The following EYA3 variants were observed in gnomAD, a reference collection of about 807,000 sequenced individuals.
The protein encoded by EYA3 is protein phosphatase EYA3.
In EYA3, 39 loss-of-function variants were observed where a neutral mutation model predicts 80.0. That is an observed-to-expected ratio of 0.49 (90% confidence interval 0.38 to 0.64). The LOEUF is 0.64. EYA3 is among the 30% of genes least tolerant of loss of function. EYA3 has a pLI of 0.00. For missense variants in EYA3, 523 were observed against 676.1 expected (o/e 0.77, Z 2.51); for synonymous variants, 206 against 232.8 (o/e 0.88, Z 1.05).
chr1:28,086,411 A>C (rs576280463), intron 1 of EYA3, among the ~76,000 whole-genome samples: 1 of 152,112 alleles, frequency 6.6e-6, no homozygotes, highest in South Asian at 2.1e-4. Flanking sequence ...TTGGTCTCGA[A>C]CTCCTGGCCA....
chr1:28,021,203 G>A (rs112705047), intron 7 of EYA3, among the ~76,000 whole-genome samples: 2 of 152,064 alleles, frequency 1.3e-5, no homozygotes, highest in African/African-American at 2.4e-5. Flanking sequence ...ACTCAAAACC[G>A]GACAAGCTCT....
At chr1:28,010,926 T>C (rs1641649653) in intron 10 of EYA3, 21 bp downstream of exon 10, 1 of 1,605,028 alleles carries the variant, frequency 6.2e-7, no homozygotes. Context: ...AGTAGGTAAC[T>C]AAATCAGTTT....
In EYA3 at chr1:28,013,047, T is replaced by G. The variant is rs1025919267; in HGVS notation, c.769+64A>C. On this transcript the variant is annotated intron_variant, in intron 9 of 17. Coordinates refer to ENST00000373871, the MANE Select transcript of EYA3 (RefSeq NM_001990.4). The surrounding 1 kb of genome is among the most constrained non-coding windows in gnomAD (Gnocchi z 4.0). ...GACAGAACAAAATCATCCTTACCATTGCCTAAAAACAACTGTTGGATGAAG... is the reference window on the plus strand; with the variant it reads ...GACAGAACAAAATCATCCTTACCATGGCCTAAAAACAACTGTTGGATGAAG... The G allele has an allele frequency of 2.2e-5, 34 of 1,512,428 alleles. No homozygotes were observed. The Admixed American group carries it at 6.5e-4, about 29-fold the overall frequency. The allele number at this position is 1,512,428 out of a possible 1,614,324, so 93.7% of individuals were successfully genotyped here. A position where few individuals can be genotyped will look rare whatever the true frequency, so the allele number is the denominator to read the frequency against.
At chr1:28,039,111 A>G (rs1643632314) in intron 4 of EYA3, among the ~76,000 whole-genome samples, 1 of 152,208 alleles carries the variant, frequency 6.6e-6, no homozygotes, top group South Asian at 2.1e-4. Flanking sequence ...TAAAAAAAGA[A>G]GGGTGGGGTA....
rs1181123452 is a variant in EYA3, at chr1:27,974,536, G to A, written c.1652C>T (p.Pro551Leu). The change falls in exon 18 of 18, where the codon CCT becomes CTT. Residue 551 changes from proline to leucine, a missense_variant. Pro to Leu is a moderately conservative substitution (Grantham distance 98). This residue lies in a region of EYA3 where 219 missense variants were observed against 332.8 expected (regional missense o/e 0.66). Transcript: ENST00000373871. ...TCCATGGTTTGTGATCCTCCAGAAA[G>A]GCATGTTGTGCTGGAAGAGAGTGGG... ...EEIAAKQHNM[P>L]FWRITNHGDL... The A allele has an allele frequency of 1.9e-6, 3 of 1,612,450 alleles. No individual in the cohort carries two copies. The highest frequency in any genetic ancestry group is 2.2e-5 in the South Asian group (2 of 91,050).
At chr1:28,061,620 G>A (rs1644629178) in intron 1 of EYA3, among the ~76,000 whole-genome samples, 1 of 150,102 alleles carries the variant, frequency 6.7e-6, no homozygotes, top group South Asian at 2.1e-4. Flanking sequence ...TGTTTTTTGA[G>A]ATGGAGTCTC....
chr1:28,037,465 T>C (rs1412179725), intron 5 of EYA3, among the ~76,000 whole-genome samples: 1 of 152,174 alleles, frequency 6.6e-6, no homozygotes, highest in African/African-American at 2.4e-5. Context: ...CAGGTTAGAG[T>C]TGTTACTCAA....
At chr1:28,060,657 TTC>T (rs1159024894) in intron 1 of EYA3, among the ~76,000 whole-genome samples, 1 of 152,234 alleles carries the variant, frequency 6.6e-6, no homozygotes, top group East Asian at 1.9e-4. Flanking sequence ...ATCTTTAAAA[TTC>T]TCTGTCTTCT....
At chr1:28,084,587 ATATATATATTTTTTTTTTTTTTTTTTT>A (rs1645572273) in intron 1 of EYA3, among the ~76,000 whole-genome samples, 1 of 17,070 alleles carries the variant, frequency 5.9e-5, no homozygotes, top group African/African-American at 2.6e-4. Flanking sequence ...ATATATATAT[ATATATATATTTTTTTTTTTTTTTTTTT>A]TTTTTTTTTT....
intron 16 of EYA3, among the ~76,000 whole-genome samples, chr1:27,987,008 C>T (rs1416008663): frequency 6.6e-6 from 1 of 152,126 alleles, no homozygotes; most frequent in Non-Finnish European, 1.5e-5. Context: ...GGCCTCTTAA[C>T]AATTTTTAAG....
chr1:28,006,515 G>A (rs938699921), intron 10 of EYA3, among the ~76,000 whole-genome samples: 39 of 152,130 alleles, frequency 2.6e-4, no homozygotes, highest in African/African-American at 8.7e-4. Flanking sequence ...GACCATCCTC[G>A]CTAACATGGT....
At chr1:28,053,289 T>C (rs554859389) in intron 2 of EYA3, among the ~76,000 whole-genome samples, 1 of 152,074 alleles carries the variant, frequency 6.6e-6, no homozygotes. Flanking sequence ...GGGTGAATTG[T>C]AGGATATGTA....
rs1303526267 is a variant in EYA3 at position 28,073,126 on chromosome 1, TA to T, written c.-68-15033del. On this transcript the variant is annotated intron_variant, in intron 1 of 17. Transcript: ENST00000373871. ...TATTATATATATATATATATATATA[TA>T]TTTTTTTTTTTTTTTTTTTTTTTTA... 7.4e-3 allele frequency among the ~76,000 whole-genome samples: 408 copies of T among 55,050 alleles called. 6 individuals are homozygous for T. Among genetic ancestry groups the T allele is most frequent in the African/African-American group, 0.017 (176 of 10,636 alleles). 36.1% of individuals were successfully genotyped at this position (55,050 alleles called of 152,430 possible). A position where few individuals can be genotyped will look rare whatever the true frequency, so the allele number is the denominator to read the frequency against.
chr1:27,981,528 C>T (rs1438585712), intron 16 of EYA3, among the ~76,000 whole-genome samples: 1 of 152,132 alleles, frequency 6.6e-6, no homozygotes, highest in Non-Finnish European at 1.5e-5. Flanking sequence ...TTCCCTTCCA[C>T]CCAATCCCTT....
intron 5 of EYA3, among the ~76,000 whole-genome samples, chr1:28,036,825 T>C (rs970314629): frequency 1.3e-5 from 2 of 152,032 alleles, no homozygotes; most frequent in South Asian, 2.1e-4. Context: ...TAATAAAATA[T>C]AGCAGGGGGT....
intron 1 of EYA3, among the ~76,000 whole-genome samples, chr1:28,060,803 C>T (rs1422853983): frequency 1.3e-5 from 2 of 152,128 alleles, no homozygotes; most frequent in African/African-American, 4.8e-5. Context: ...ATCACAAGGT[C>T]AGGAGATCAA....
At chr1:28,029,993 C>G (rs1643034810) in intron 6 of EYA3, among the ~76,000 whole-genome samples, 2 of 152,166 alleles carry the variant, frequency 1.3e-5, no homozygotes, top group Admixed American at 6.6e-5. Context: ...GAAGGTTCAT[C>G]AACCAAACAC....
At chr1:28,012,263 C>T (rs1051147922) in intron 9 of EYA3, among the ~76,000 whole-genome samples, 1 of 152,138 alleles carries the variant, frequency 6.6e-6, no homozygotes, top group African/African-American at 2.4e-5. Flanking sequence ...CTCCAATATT[C>T]AAAAGTTAAA....
intron 1 of EYA3, among the ~76,000 whole-genome samples, chr1:28,059,962 GC>G (rs1286994047): frequency 1.3e-5 from 2 of 151,966 alleles, no homozygotes; most frequent in Non-Finnish European, 2.9e-5. Context: ...CAGGTGATCT[GC>G]CTGCCTCAGC....
Sources: allele counts gnomAD v4.1 joint callset (sites outside exome capture counted in the v4.1 genomes callset), GRCh38; gene constraint gnomAD v4.1.1; regional missense constraint gnomAD v4.1.1; non-coding constraint Gnocchi (gnomAD v3.1); transcripts MANE v1.5; gene names NCBI Gene and HGNC (gene_info 2026-07-23, HGNC 2026-07-21).